The following MACROH2A1 variants were observed in gnomAD, a reference collection of about 807,000 sequenced individuals.
The protein encoded by MACROH2A1 is core histone macro-H2A.1.
A neutral mutation model predicts 31.6 loss-of-function variants in MACROH2A1; 2 were observed. That is an observed-to-expected ratio of 0.06 (90% CI 0.03 to 0.20). MACROH2A1 has a LOEUF of 0.20. Ranked by LOEUF, MACROH2A1 falls within the 10% of genes least tolerant of loss-of-function variation. MACROH2A1 has a pLI of 1.00. For missense variants in MACROH2A1, 230 were observed against 474.0 expected (o/e 0.49, Z 4.78); for synonymous variants, 169 against 189.6 (o/e 0.89, Z 0.89).
Position 135,369,501 on chromosome 5 carries a change from T to A in MACROH2A1, c.382A>T (p.Ile128Phe). 4 of 1,614,196 alleles carry A rather than the reference T, an allele frequency of 2.5e-6. No individual in the cohort carries two copies. The highest frequency in any genetic ancestry group is 3.4e-6 in the Non-Finnish European group (4 of 1,180,006). Residue 128 changes from isoleucine to phenylalanine, a missense_variant, in exon 4 of 9, where the codon ATC (isoleucine) becomes TTC (phenylalanine). Around this residue, in one of 2 missense-constraint regions of MACROH2A1, gnomAD observed 183 missense variants for 319.3 expected, o/e 0.57. Coordinates refer to ENST00000511689, the MANE Select transcript of MACROH2A1 (RefSeq NM_138610.3). This position sits in a 1 kb window ranked among gnomAD's most constrained non-coding sequence, Gnocchi z 4.3. ...GCCTTTTTGGCTGGGGGTGGTGTGA[T>A]GATGGCTTCCAACTTTCCTTTGGAT... is the stretch of plus-strand genomic sequence containing the variant. The part of the protein sequence containing the change: ...RGSKGKLEAI[I>F]TPPPAKKAKS...
chr5:135,347,318 G>A (rs1760969447), intron 6 of MACROH2A1: 1 of 152,242 alleles, frequency 6.6e-6, no homozygotes, highest in African/African-American at 2.4e-5. Context: ...AAGAACCAGG[G>A]CTAATGGCTA....
rs200931852 is a variant in MACROH2A1, at chr5:135,343,007, C to G, written c.953+253G>C. 6.9e-6 allele frequency: 5 copies of G among 723,356 alleles called. No homozygotes were observed. In the East Asian group the frequency reaches 1.4e-4, roughly 20 times the overall value. 44.8% of individuals were successfully genotyped at this position (723,356 alleles called of 1,614,324 possible). A position where few individuals can be genotyped will look rare whatever the true frequency, so the allele number is the denominator to read the frequency against. On this transcript the variant is annotated intron_variant, in intron 8 of 8. Coordinates refer to ENST00000511689, the MANE Select transcript of MACROH2A1 (RefSeq NM_138610.3). ...AGGTACCATTTCTGTGGTCCCAGTA[C>G]ACACTGGGTTCCCCTTCTGTGATGA...
At chr5:135,337,964 G>A (rs1355771536) in intron 8 of MACROH2A1, 2 of 1,211,080 alleles carry the variant, frequency 1.7e-6, no homozygotes, top group Admixed American at 5.5e-5. Context: ...CCCTGCTATG[G>A]GACTGTGGCT....
intron 7 of MACROH2A1, chr5:135,345,472 G>A: frequency 6.3e-6 from 1 of 158,080 alleles, no homozygotes; most frequent in Non-Finnish European, 1.4e-5. Context: ...GAAGCAGTAA[G>A]AAGTACCCTG....
At chr5:135,343,649 C>G (rs1252924216) in intron 7 of MACROH2A1, 4 of 677,982 alleles carry the variant, frequency 5.9e-6, no homozygotes, top group Non-Finnish European at 9.6e-6. Context: ...GATGTGTCAC[C>G]ACCAGGAATT....
chr5:135,379,724 T>A (rs3776201), intron 2 of MACROH2A1, among the ~76,000 whole-genome samples: 17,331 of 152,142 alleles, frequency 0.11, 2,760 homozygotes, highest in African/African-American at 0.35. Flanking sequence ...ATTCTTACCT[T>A]CTTCCTTCTC....
intron 2 of MACROH2A1, among the ~76,000 whole-genome samples, chr5:135,378,543 C>T (rs1032387693): frequency 1.5e-4 from 23 of 152,306 alleles, no homozygotes; most frequent in African/African-American, 4.1e-4. Context: ...CCTTGGGGAC[C>T]GGGCATTTAC....
intron 1 of MACROH2A1, among the ~76,000 whole-genome samples, chr5:135,397,642 C>T (rs1384060876): frequency 6.6e-6 from 1 of 152,208 alleles, no homozygotes; most frequent in Non-Finnish European, 1.5e-5. Context: ...TGAAAACATA[C>T]TCATCCTCAT....
intron 1 of MACROH2A1, among the ~76,000 whole-genome samples, chr5:135,391,442 G>T (rs1179352242): frequency 6.6e-6 from 1 of 152,164 alleles, no homozygotes; most frequent in East Asian, 1.9e-4. Context: ...CTCCAGAAAG[G>T]ATCCGTTAGC....
At chr5:135,351,627 A>C (rs1024583928) in intron 6 of MACROH2A1, 1 of 134,104 alleles carries the variant, frequency 7.5e-6, no homozygotes, top group African/African-American at 2.9e-5. Flanking sequence ...CAGTGGCACA[A>C]TCATAGCTCA....
chr5:135,363,271 TA>T (rs1581231347), intron 4 of MACROH2A1, among the ~76,000 whole-genome samples: 1 of 152,100 alleles, frequency 6.6e-6, no homozygotes, highest in East Asian at 1.9e-4. Context: ...TAGAAAGTAG[TA>T]AAGCACTCCA....
chr5:135,336,364 C>T (rs751506480), intron 8 of MACROH2A1, among the ~76,000 whole-genome samples: 2 of 152,338 alleles, frequency 1.3e-5, no homozygotes, highest in South Asian at 2.1e-4. Context: ...CGGCTTCACC[C>T]GGCTGGTGGA....
intron 4 of MACROH2A1, among the ~76,000 whole-genome samples, chr5:135,365,040 CCAAAAGTTTGG>C (rs1471670924): frequency 1.3e-5 from 2 of 152,074 alleles, no homozygotes; most frequent in African/African-American, 4.8e-5. Context: ...CATTATTTAT[CCAAAAGTTTGG>C]CAAAAACTGG....
chr5:135,351,777 G>T (rs1761607719), intron 6 of MACROH2A1, among the ~76,000 whole-genome samples: 2 of 150,820 alleles, frequency 1.3e-5, no homozygotes, highest in South Asian at 4.2e-4. Context: ...TGCCCAGGTT[G>T]GTCTCCAACT....
chr5:135,361,970 T>C (rs1231515023), intron 4 of MACROH2A1: 1 of 152,214 alleles, frequency 6.6e-6, no homozygotes, highest in Non-Finnish European at 1.5e-5. Flanking sequence ...TACTGGCAAA[T>C]ATACATTACA....
intron 2 of MACROH2A1, among the ~76,000 whole-genome samples, chr5:135,383,410 T>C (rs1765923228): frequency 6.6e-6 from 1 of 152,236 alleles, no homozygotes; most frequent in Admixed American, 6.5e-5. Context: ...TGTCAGCTGC[T>C]AAATCTGGGT....
intron 6 of MACROH2A1, chr5:135,351,581 T>A (rs1017131906): frequency 5.4e-5 from 7 of 129,844 alleles, no homozygotes; most frequent in African/African-American, 2.1e-4. Context: ...TTTTTTTTTT[T>A]ACAGATAGGA....
At chr5:135,380,409 G>C (rs1229748615) in intron 2 of MACROH2A1, among the ~76,000 whole-genome samples, 1 of 152,170 alleles carries the variant, frequency 6.6e-6, no homozygotes, top group Non-Finnish European at 1.5e-5. Flanking sequence ...TACTAAACAA[G>C]TGAACCAAGC....
intron 2 of MACROH2A1, among the ~76,000 whole-genome samples, chr5:135,380,986 AAAG>A (rs1270154314): frequency 6.6e-6 from 1 of 152,362 alleles, no homozygotes; most frequent in East Asian, 1.9e-4. Flanking sequence ...ACAAAAGTAA[AAAG>A]ACAAAGACCT....
Sources: allele counts gnomAD v4.1 joint callset (sites outside exome capture counted in the v4.1 genomes callset), GRCh38; gene constraint gnomAD v4.1.1; regional missense constraint gnomAD v4.1.1; non-coding constraint Gnocchi (gnomAD v3.1); transcripts MANE v1.5; gene names NCBI Gene and HGNC (gene_info 2026-07-23, HGNC 2026-07-21).